ELMOD3: variants seen among roughly 807,000 people sequenced by gnomAD.
The protein encoded by ELMOD3 is ELMO domain-containing protein 3.
Under a neutral mutation model 47.4 loss-of-function variants are expected in ELMOD3, and 36 were observed. That is an observed-to-expected ratio of 0.76 (90% confidence interval 0.58 to 1.00). The LOEUF (loss-of-function observed/expected upper bound fraction) is 1.00, where lower values mean the gene tolerates loss of function less well. Among genes scored for constraint, ELMOD3 ranks in the 50% least tolerant of loss-of-function variants. The pLI, the probability that ELMOD3 is intolerant of heterozygous loss-of-function variation, is 0.00. For missense variants in ELMOD3, 404 were observed against 463.8 expected, an observed-to-expected ratio of 0.87 and a Z score of 1.18; for synonymous variants, 149 against 183.5, an observed-to-expected ratio of 0.81 and a Z score of 1.52.
At position 85,371,174 on chromosome 2, in the gene ELMOD3, G is replaced by A. The variant is rs748169877; in HGVS notation, c.449G>A (p.Arg150Gln). ...CCTCCAAAGCTCCACCAGCGCCTTC[G>A]GGAAGAAAGGGACTTGGTCCTGACC... ...FGPPKLHQRLREERDLVLTIA... is the reference protein window; with the variant it reads ...FGPPKLHQRLQEERDLVLTIA... The change falls in exon 9 of 14, where the codon CGG (arginine) becomes CAG (glutamine). Residue 150 changes from arginine to glutamine, a missense_variant. Physicochemically the swap from Arg to Gln is conservative, Grantham distance 43 (BLOSUM62 1). Transcript: ENST00000409013. The A allele has an allele frequency of 1.3e-5, 21 of 1,614,144 alleles. No individual in the cohort carries two copies. The East Asian group carries it at 1.3e-4, about 10-fold the overall frequency.
At chr2:85,375,297 A>G (rs1420509292) in intron 10 of ELMOD3, among the ~76,000 whole-genome samples, 2 of 152,228 alleles carry the variant, frequency 1.3e-5, no homozygotes, top group Admixed American at 1.3e-4. Flanking sequence ...GTGGGATTCC[A>G]ATGATACAAA....
At chr2:85,377,263 A>T in intron 10 of ELMOD3, 81 bp from the exon 11 acceptor site, 1 of 1,317,580 alleles carries the variant, frequency 7.6e-7, no homozygotes, top group East Asian at 2.6e-5. Context: ...GGAAGAGGCC[A>T]GTGTCAGGGC....
At chr2:85,368,832 C>A in intron 7 of ELMOD3, 78 bp downstream of exon 7, 5 of 1,459,954 alleles carry the variant, frequency 3.4e-6, no homozygotes, top group Non-Finnish European at 4.8e-6. Flanking sequence ...GCAAATGTTT[C>A]TGTGAGTCTG....
intron 11 of ELMOD3, among the ~76,000 whole-genome samples, chr2:85,384,903 A>G (rs1416984392): frequency 6.6e-6 from 1 of 152,238 alleles, no homozygotes; most frequent in Non-Finnish European, 1.5e-5. Context: ...TACTTGGGAT[A>G]CATCAGTAAA....
intron 6 of ELMOD3, 117 bp from the exon 7 acceptor site, chr2:85,368,569 C>A: frequency 1.2e-6 from 1 of 866,130 alleles, no homozygotes; most frequent in Non-Finnish European, 1.9e-6. Context: ...AACACAGTGA[C>A]ACCCCATCTC....
At chr2:85,379,136 C>T (rs1416208087) in intron 11 of ELMOD3, among the ~76,000 whole-genome samples, 2 of 152,068 alleles carry the variant, frequency 1.3e-5, no homozygotes, top group Admixed American at 6.5e-5. Flanking sequence ...GCTTAATTTT[C>T]AGTGACTCCA....
intron 6 of ELMOD3, among the ~76,000 whole-genome samples, chr2:85,363,419 A>C (rs1684125019): frequency 6.6e-6 from 1 of 152,218 alleles, no homozygotes; most frequent in South Asian, 2.1e-4. Flanking sequence ...TACCTCCCTT[A>C]TCCTCAAAGG....
intron 3 of ELMOD3, chr2:85,356,406 C>T (rs1425275129): frequency 1.3e-5 from 2 of 152,376 alleles, no homozygotes; most frequent in African/African-American, 4.8e-5. Context: ...GCCCAGGTCC[C>T]AGTAACTCCA....
intron 6 of ELMOD3, 74 bp from the exon 7 acceptor site, chr2:85,368,612 C>T (rs912398439): frequency 3.3e-6 from 5 of 1,495,936 alleles, no homozygotes; most frequent in Non-Finnish European, 4.6e-6. Flanking sequence ...GGCAGGCAGA[C>T]AAGGCTGGGG....
At chr2:85,371,259 A>G (rs1684769595) in intron 9 of ELMOD3, 50 bp downstream of exon 9, 4 of 1,614,076 alleles carry the variant, frequency 2.5e-6, no homozygotes, top group Non-Finnish European at 3.4e-6. Context: ...GTGGTTGGGC[A>G]AGACCGTGTG....
chr2:85,373,409 A>G (rs1335056261), intron 10 of ELMOD3, among the ~76,000 whole-genome samples: 1 of 151,788 alleles, frequency 6.6e-6, no homozygotes, highest in African/African-American at 2.4e-5. Flanking sequence ...CGCACCAGTA[A>G]TGTTAAGATT....
intron 11 of ELMOD3, among the ~76,000 whole-genome samples, chr2:85,388,431 G>A (rs1686086295): frequency 1.3e-5 from 2 of 152,200 alleles, no homozygotes; most frequent in Non-Finnish European, 2.9e-5. Context: ...GGCCTGCTGT[G>A]TTAACTTTTT....
intron 11 of ELMOD3, among the ~76,000 whole-genome samples, chr2:85,379,838 C>A (rs1159001093): frequency 1.3e-5 from 2 of 152,056 alleles, no homozygotes; most frequent in Admixed American, 6.6e-5. Context: ...TAAAGCCAAG[C>A]CTTGCCATGG....
chr2:85,358,451 A>G (rs992626209), intron 4 of ELMOD3, among the ~76,000 whole-genome samples: 1 of 152,198 alleles, frequency 6.6e-6, no homozygotes, highest in African/African-American at 2.4e-5. Context: ...ACTGACCTTG[A>G]TCAGAGAAGA....
rs1340868002 is a variant in ELMOD3, at chr2:85,386,989, C to T, written c.739-2762C>T. 31 of 1,207,648 alleles carry T rather than the reference C, an allele frequency of 2.6e-5. No homozygotes were observed. In the East Asian group the frequency reaches 4.0e-4, roughly 16 times the overall value. 74.8% of individuals were successfully genotyped at this position (1,207,648 alleles called of 1,614,324 possible). ...TGCACTCCAGCCTGAGCAACAAGAG[C>T]GAAACTCCGTCTCAAAAAAAGAATG... On this transcript the variant is annotated intron_variant, in intron 11 of 13. Transcript: ENST00000409013.
At chr2:85,365,001 G>A (rs1199639506) in intron 6 of ELMOD3, among the ~76,000 whole-genome samples, 7 of 149,008 alleles carry the variant, frequency 4.7e-5, no homozygotes, top group Non-Finnish European at 7.4e-5. Context: ...AGATGGAGAC[G>A]GTCTCATTAT....
At chr2:85,382,982 A>C (rs1454943768) in intron 11 of ELMOD3, among the ~76,000 whole-genome samples, 3 of 151,046 alleles carry the variant, frequency 2.0e-5, no homozygotes, top group African/African-American at 7.3e-5. Context: ...CCCTGTTAGA[A>C]GTGAGCTCAA....
In ELMOD3 at chr2:85,390,414, C is replaced by A. The variant is rs756361079; in HGVS notation, c.943+149C>A. On this transcript the variant is annotated intron_variant, in intron 13 of 13. Transcript: ENST00000409013. ...AGCTTACCAAAATCTCCATCACCCA[C>A]CCCCTGGAGTCTGCTAGTTCTCCTT... is the stretch of plus-strand genomic sequence containing the variant. 3.1e-6 allele frequency: 5 copies of A among 1,614,072 alleles called. No homozygotes were observed. The Admixed American group carries it at 5.0e-5, about 16-fold the overall frequency.
intron 6 of ELMOD3, chr2:85,368,436 G>A: frequency 2.1e-6 from 1 of 487,428 alleles, no homozygotes; most frequent in Non-Finnish European, 3.7e-6. Flanking sequence ...CGGGAGTGGG[G>A]GATCACCAGG....
Sources: allele counts gnomAD v4.1 joint callset (sites outside exome capture counted in the v4.1 genomes callset), GRCh38; gene constraint gnomAD v4.1.1; transcripts MANE v1.5; gene names NCBI Gene and HGNC (gene_info 2026-07-23, HGNC 2026-07-21).